The following RAD21L1 variants were observed in gnomAD, a reference collection of about 807,000 sequenced individuals.
The protein encoded by RAD21L1 is double-strand-break repair protein rad21-like protein 1.
RAD21L1 carries 47 observed loss-of-function variants against 69.0 expected under a neutral mutation model. That is an observed-to-expected ratio of 0.68 (90% CI 0.54 to 0.87). RAD21L1 has a LOEUF of 0.87. RAD21L1 is among the 40% of genes least tolerant of loss of function. The pLI is 0.00. For synonymous variants in RAD21L1, 177 were observed against 205.8 expected, an observed-to-expected ratio of 0.86 and a Z score of 1.20; for missense variants, 583 against 647.6, an observed-to-expected ratio of 0.90 and a Z score of 1.08.
At chr20:1,244,881 C>T (rs147071438) in intron 11 of RAD21L1, among the ~76,000 whole-genome samples, 12 of 152,176 alleles carry the variant, frequency 7.9e-5, no homozygotes, top group African/African-American at 2.9e-4. Context: ...ACTGAATGCC[C>T]TTGGAAGGAA....
intron 8 of RAD21L1, among the ~76,000 whole-genome samples, chr20:1,241,158 G>A (rs1292947228): frequency 6.6e-6 from 1 of 152,192 alleles, no homozygotes; most frequent in Non-Finnish European, 1.5e-5. Flanking sequence ...TTCAATTTAG[G>A]AAGGTATTGA....
At chr20:1,234,794 AG>A (rs1326077802) in intron 5 of RAD21L1, among the ~76,000 whole-genome samples, 1 of 152,098 alleles carries the variant, frequency 6.6e-6, no homozygotes, top group Non-Finnish European at 1.5e-5. Flanking sequence ...CTTGTCACCC[AG>A]GTTGGAATGC....
chr20:1,233,636 G>A (rs953591998), intron 4 of RAD21L1, among the ~76,000 whole-genome samples: 3 of 152,124 alleles, frequency 2.0e-5, no homozygotes, highest in Admixed American at 2.0e-4. Flanking sequence ...TTCATAGATG[G>A]CAACCTTCTC....
At chr20:1,227,836 T>C (rs1396260466) in intron 1 of RAD21L1, among the ~76,000 whole-genome samples, 1 of 152,234 alleles carries the variant, frequency 6.6e-6, no homozygotes, top group Non-Finnish European at 1.5e-5. Flanking sequence ...TTTCTTCATT[T>C]TTCCACTTTA....
At chr20:1,226,594 CT>C (rs1263548849) in intron 1 of RAD21L1, among the ~76,000 whole-genome samples, 2 of 152,126 alleles carry the variant, frequency 1.3e-5, no homozygotes, top group Non-Finnish European at 2.9e-5. Context: ...GCCCGGTCCC[CT>C]TCCGACCCCT....
At chr20:1,240,992 G>A (rs2087596453) in intron 8 of RAD21L1, among the ~76,000 whole-genome samples, 1 of 152,168 alleles carries the variant, frequency 6.6e-6, no homozygotes, top group African/African-American at 2.4e-5. Context: ...CCTCTGACTT[G>A]CCCTTGAATT....
rs143506619 is a variant in RAD21L1, at chr20:1,232,730, T to A, written c.368+1111T>A. 7.8e-4 allele frequency among the ~76,000 whole-genome samples: 119 copies of A among 152,288 alleles called. No individual in the cohort carries two copies. The East Asian group carries it at 0.021, about 27-fold the overall frequency. On this transcript the variant is annotated intron_variant, in intron 4 of 13. Coordinates refer to ENST00000683101, the MANE Select transcript of RAD21L1 (RefSeq NM_001384355.1). ...GATGACTGTTACACATCTGTTATGGTCTAAATGCATGTGTTCCCCTAAAAT... is the reference window on the plus strand; with the variant it reads ...GATGACTGTTACACATCTGTTATGGACTAAATGCATGTGTTCCCCTAAAAT...
chr20:1,237,933 A>T (rs1278428927), intron 5 of RAD21L1, 111 bp from the exon 6 acceptor site: 1 of 533,450 alleles, frequency 1.9e-6, no homozygotes, highest in African/African-American at 1.9e-5. Context: ...CTCTTCATCT[A>T]TAAAATGAGG....
chr20:1,227,013 G>C (rs1312780195), intron 1 of RAD21L1, among the ~76,000 whole-genome samples: 1 of 152,074 alleles, frequency 6.6e-6, no homozygotes, highest in Admixed American at 6.5e-5. Context: ...GGGTTCGAGC[G>C]ATTCTCCTGC....
chr20:1,237,300 T>C (rs2087518454), intron 5 of RAD21L1, among the ~76,000 whole-genome samples: 1 of 152,154 alleles, frequency 6.6e-6, no homozygotes, highest in African/African-American at 2.4e-5. Flanking sequence ...CAGTGTAGTG[T>C]TGTGATTGTC....
At chr20:1,242,550 T>C in intron 8 of RAD21L1, 69 bp from the exon 9 acceptor site, 1 of 1,214,088 alleles carries the variant, frequency 8.2e-7, no homozygotes, top group Non-Finnish European at 1.2e-6. Flanking sequence ...TTCTTAAGTA[T>C]TTAGTGCCTA....
rs919385871 is a variant in RAD21L1 at position 1,242,781 on chromosome 20, G to C, written c.1019G>C (p.Arg340Thr). 1.9e-6 allele frequency: 3 copies of C among 1,551,492 alleles called. No homozygotes were observed. Among genetic ancestry groups the C allele is most frequent in the Middle Eastern group, 1.7e-4 (1 of 6,012 alleles). ...CAAAGATTGATGATGTGGAAGAAGA[G>C]GGGAGGAGTGCATACACTTCTGTCA... ...PTQRLMMWKKRGGVHTLLSTA... is the reference protein window; with the variant it reads ...PTQRLMMWKKTGGVHTLLSTA... The change falls in exon 9 of 14, where the codon AGG (arginine) becomes ACG (threonine). Residue 340 changes from arginine to threonine, a missense_variant. By Grantham distance (71) the Arg-to-Thr change is moderately conservative. Transcript: ENST00000683101.
chr20:1,230,980 A>G (rs139699349), intron 3 of RAD21L1: 1 of 153,016 alleles, frequency 6.5e-6, no homozygotes, highest in African/African-American at 2.4e-5. Flanking sequence ...ATTGTGCTAT[A>G]AAGGAAAATA....
At chr20:1,232,983 G>A (rs1231317302) in intron 4 of RAD21L1, among the ~76,000 whole-genome samples, 1 of 152,148 alleles carries the variant, frequency 6.6e-6, no homozygotes, top group African/African-American at 2.4e-5. Context: ...CCCTTCCACT[G>A]TGTGAGGTCA....
chr20:1,240,204 C>T (rs2087577926), intron 7 of RAD21L1, 117 bp from the exon 8 acceptor site: 1 of 1,389,692 alleles, frequency 7.2e-7, no homozygotes, highest in Admixed American at 3.5e-5. Flanking sequence ...TTCAGATGTT[C>T]CAGTTAGTAA....
chr20:1,229,903 A>T lies in RAD21L1; in HGVS notation c.168A>T (p.Ser56=). The stretch of plus-strand genomic sequence containing the variant: ...AGGTGAAAATAGCACTTCGAACTTC[A>T]GGACACCTTCTTTTGGGAGTTGTTC... The part of the protein sequence containing the change: ...SPKVKIALRT[S]GHLLLGVVRI... The change falls in exon 3 of 14, where the codon TCA becomes TCT. Residue 56 remains serine, a synonymous_variant. Transcript: ENST00000683101. The T allele has an allele frequency of 6.5e-7, 1 of 1,549,104 alleles. No homozygotes were observed. The highest frequency in any genetic ancestry group is 1.2e-5 in the South Asian group (1 of 83,830).
chr20:1,234,267 T>A, intron 5 of RAD21L1, 76 bp downstream of exon 5: 1 of 699,162 alleles, frequency 1.4e-6, no homozygotes, highest in Non-Finnish European at 2.5e-6. Context: ...ATAATGCCAG[T>A]AGACGTAGCT....
At chr20:1,230,722 A>G (rs1568515181) in intron 3 of RAD21L1, 1 of 548,894 alleles carries the variant, frequency 1.8e-6, no homozygotes, top group African/African-American at 2.0e-5. Flanking sequence ...ATTTTTTTTA[A>G]TCTTCTTCAT....
At position 1,254,829 on chromosome 20, in the gene RAD21L1, T is replaced by C. The variant is rs974306784; in HGVS notation, c.*372T>C. On this transcript the variant is annotated 3_prime_UTR_variant, in exon 14 of 14. Coordinates refer to ENST00000683101, the MANE Select transcript of RAD21L1 (RefSeq NM_001384355.1). ...ATACTTAATTATAGCTAAGTAATTA[T>C]TTTTAACTTAGCTGATTTGAATATA... Among the ~76,000 whole-genome samples, 1 of 152,210 alleles carries C rather than the reference T, an allele frequency of 6.6e-6. No individual in the cohort carries two copies. The highest frequency in any genetic ancestry group is 1.5e-5 in the Non-Finnish European group (1 of 68,028).
Sources: gnomAD v4.1 joint callset for allele counts (sites outside exome capture counted in the v4.1 genomes callset) on GRCh38, gnomAD v4.1.1 for gene constraint, MANE v1.5 for transcripts, NCBI Gene and HGNC (gene_info 2026-07-23, HGNC 2026-07-21) for gene names.